The following PLCB1 variants were observed in gnomAD, a reference collection of about 807,000 sequenced individuals.
PLCB1 encodes the protein phospholipase C beta 1.
In PLCB1, 46 loss-of-function variants were observed where a neutral mutation model predicts 161.8. The ratio of observed to expected loss-of-function variants is 0.28; its 90% confidence interval spans 0.22 to 0.36. The LOEUF is 0.36. Ranked by LOEUF, PLCB1 falls within the 10% of genes least tolerant of loss-of-function variation. The probability of loss-of-function intolerance (pLI) is 1.00; values close to 1 mark genes in which losing one functional copy is unlikely to be tolerated. For synonymous variants in PLCB1, 517 were observed against 503.7 expected, an observed-to-expected ratio of 1.03 and a Z score of -0.35; for missense variants, 1,016 against 1,472.5, an observed-to-expected ratio of 0.69 and a Z score of 5.07.
In PLCB1 at chr20:8,137,306, T is replaced by G. The variant is rs1416871369; in HGVS notation, c.99+4556T>G. 2.6e-5 allele frequency among the ~76,000 whole-genome samples: 4 copies of G among 152,176 alleles called. No homozygotes were observed. In the East Asian group the frequency reaches 7.7e-4, roughly 29 times the overall value. On this transcript the variant is annotated intron_variant, in intron 1 of 31. Transcript: ENST00000338037. ...ATGAGAGAGCAGAGGGGAAAAGGGT[T>G]TGCGAGGTGGGAATTTAGTAGCGTT...
chr20:8,839,172 A>G (rs1414750387), intron 31 of PLCB1, among the ~76,000 whole-genome samples: 1 of 152,198 alleles, frequency 6.6e-6, no homozygotes, highest in African/African-American at 2.4e-5. Context: ...TATATCTGAC[A>G]AAGTTTAGGG....
chr20:8,845,230 A>G (rs1331911782), intron 31 of PLCB1, among the ~76,000 whole-genome samples: 1 of 152,182 alleles, frequency 6.6e-6, no homozygotes, highest in Non-Finnish European at 1.5e-5. Context: ...GGCAGGAAAG[A>G]TACAGGAAGT....
intron 31 of PLCB1, among the ~76,000 whole-genome samples, chr20:8,846,788 G>A (rs1986705099): frequency 1.3e-5 from 2 of 152,244 alleles, no homozygotes; most frequent in East Asian, 1.9e-4. Flanking sequence ...GGGAAGATCC[G>A]GCCAGGGCAA....
chr20:8,765,329 A>G lies in PLCB1; in HGVS notation c.2901A>G (p.Glu967=), dbSNP rs1471298310. Residue 967 remains glutamate (E), a synonymous_variant, in exon 26 of 32, where the codon GAA becomes GAG. Transcript: ENST00000338037. ...NDYLRRRAAL[E]KSAKKDSKKK... ...ACTTGAGAAGGAGAGCCGCTTTGGAAAAGTCCGCCAAAAAGGACAGTAAGA... is the reference window on the plus strand; with the variant it reads ...ACTTGAGAAGGAGAGCCGCTTTGGAGAAGTCCGCCAAAAAGGACAGTAAGA... The G allele has an allele frequency of 4.3e-6, 7 of 1,611,938 alleles. No individual in the cohort carries two copies. The highest frequency in any genetic ancestry group is 5.9e-6 in the Non-Finnish European group (7 of 1,179,598).
At chr20:8,333,587 G>A (rs887989989) in intron 2 of PLCB1, among the ~76,000 whole-genome samples, 1 of 152,188 alleles carries the variant, frequency 6.6e-6, no homozygotes, top group Non-Finnish European at 1.5e-5. Context: ...CTAACACCTA[G>A]TGGGTAGAGG....
At chr20:8,446,460 T>A (rs1422488855) in intron 3 of PLCB1, among the ~76,000 whole-genome samples, 1 of 152,220 alleles carries the variant, frequency 6.6e-6, no homozygotes, top group Non-Finnish European at 1.5e-5. Context: ...TCATACTGAA[T>A]GGGCAAAAAC....
chr20:8,684,055 TC>T (rs1419037388), intron 9 of PLCB1, among the ~76,000 whole-genome samples: 14 of 150,894 alleles, frequency 9.3e-5, no homozygotes, highest in Admixed American at 2.0e-4. Flanking sequence ...GGCTAATTTT[TC>T]TGTATTTTTA....
chr20:8,882,121 T>C lies in PLCB1; in HGVS notation c.*272T>C, dbSNP rs1486579771. 5 of 372,360 alleles carry C rather than the reference T, an allele frequency of 1.3e-5. No homozygotes were observed. The highest frequency in any genetic ancestry group is 2.4e-5 in the Non-Finnish European group (5 of 205,526). 23.1% of individuals were successfully genotyped at this position (372,360 alleles called of 1,614,324 possible). On this transcript the variant is annotated 3_prime_UTR_variant, in exon 32 of 32. Transcript: ENST00000338037. ...AATAGCAAATTCAAAGCAAGCAACTTGCAGGCTCCATGGAACTTTTAATGA... is the reference window on the plus strand; with the variant it reads ...AATAGCAAATTCAAAGCAAGCAACTCGCAGGCTCCATGGAACTTTTAATGA...
intron 16 of PLCB1, among the ~76,000 whole-genome samples, chr20:8,725,370 T>A (rs1276005586): frequency 1.3e-5 from 2 of 152,280 alleles, no homozygotes; most frequent in South Asian, 4.1e-4. Context: ...TGTATTTGCA[T>A]GAAGCGTAAG....
chr20:8,216,116 G>T (rs1979109103), intron 2 of PLCB1, among the ~76,000 whole-genome samples: 1 of 152,086 alleles, frequency 6.6e-6, no homozygotes, highest in African/African-American at 2.4e-5. Flanking sequence ...GGGGACATGA[G>T]TTCAGAAAAA....
At chr20:8,508,398 C>T (rs900113730) in intron 3 of PLCB1, among the ~76,000 whole-genome samples, 4 of 152,202 alleles carry the variant, frequency 2.6e-5, no homozygotes, top group East Asian at 1.9e-4. Context: ...TACAAGTGGG[C>T]CCTTTTTCAC....
intron 2 of PLCB1, among the ~76,000 whole-genome samples, chr20:8,222,674 C>T (rs762676293): frequency 6.6e-6 from 1 of 152,080 alleles, no homozygotes; most frequent in Admixed American, 6.6e-5. Context: ...CACTCTCTGT[C>T]TTCTCTTCTT....
intron 3 of PLCB1, among the ~76,000 whole-genome samples, chr20:8,515,566 A>G (rs1600120079): frequency 6.6e-6 from 1 of 152,350 alleles, no homozygotes; most frequent in African/African-American, 2.4e-5. Flanking sequence ...GCAGCTAATT[A>G]GAACCTCCTT....
intron 2 of PLCB1, among the ~76,000 whole-genome samples, chr20:8,217,600 A>AT (rs1979200445): frequency 6.6e-6 from 1 of 152,102 alleles, no homozygotes; most frequent in Non-Finnish European, 1.5e-5. Context: ...ATGCAGTGTG[A>AT]TTTTTCCAGT....
intron 10 of PLCB1, among the ~76,000 whole-genome samples, chr20:8,691,183 A>G (rs1990470294): frequency 1.3e-5 from 2 of 152,176 alleles, no homozygotes; most frequent in South Asian, 4.1e-4. Context: ...GTTTCTCAGA[A>G]GCCTTTGGAT....
At chr20:8,367,207 T>A (rs1404801349) in intron 2 of PLCB1, among the ~76,000 whole-genome samples, 1 of 152,228 alleles carries the variant, frequency 6.6e-6, no homozygotes, top group Admixed American at 6.5e-5. Context: ...GAAATGATAG[T>A]TATAGATTCT....
intron 31 of PLCB1, among the ~76,000 whole-genome samples, chr20:8,810,250 C>T (rs537984904): frequency 6.6e-6 from 1 of 152,208 alleles, no homozygotes; most frequent in South Asian, 2.1e-4. Context: ...GTTTAAAATT[C>T]AAGGCTCCGG....
At chr20:8,605,689 T>A (rs2123156261) in intron 3 of PLCB1, among the ~76,000 whole-genome samples, 1 of 151,882 alleles carries the variant, frequency 6.6e-6, no homozygotes, top group Admixed American at 6.6e-5. Context: ...GCAGATTTGT[T>A]ACATGGACAA....
At chr20:8,684,023 G>T (rs74183567) in intron 9 of PLCB1, among the ~76,000 whole-genome samples, 1 of 148,276 alleles carries the variant, frequency 6.7e-6, no homozygotes, top group African/African-American at 2.5e-5. Context: ...AGCTGGGACT[G>T]CAGGCACCCG....
Sources: gnomAD v4.1 joint callset for allele counts (sites outside exome capture counted in the v4.1 genomes callset) on GRCh38, gnomAD v4.1.1 for gene constraint, MANE v1.5 for transcripts, NCBI Gene and HGNC (gene_info 2026-07-23, HGNC 2026-07-21) for gene names.